Variants in PLXNA4 observed in about 807,000 individuals in gnomAD.
The protein encoded by PLXNA4 is plexin-A4.
A neutral mutation model predicts 191.8 loss-of-function variants in PLXNA4; 44 were observed. The ratio of observed to expected loss-of-function variants is 0.23; its 90% CI spans 0.18 to 0.29. The LOEUF (loss-of-function observed/expected upper bound fraction) is 0.29, where lower values mean the gene tolerates loss of function less well. Ranked by LOEUF, PLXNA4 falls within the 10% of genes least tolerant of loss-of-function variation. The probability of loss-of-function intolerance (pLI) is 1.00; values close to 1 mark genes in which losing one functional copy is unlikely to be tolerated. For synonymous variants in PLXNA4, 1,082 were observed against 1,009.5 expected (o/e 1.07, Z -1.36); for missense variants, 1,800 against 2,488.8 (o/e 0.72, Z 5.89).
intron 1 of PLXNA4, among the ~76,000 whole-genome samples, chr7:132,554,114 A>C (rs1003203633): frequency 2.0e-5 from 3 of 152,220 alleles, no homozygotes; most frequent in Non-Finnish European, 4.4e-5. Context: ...ATATAGATAC[A>C]TGACTATTTT....
intron 2 of PLXNA4, among the ~76,000 whole-genome samples, chr7:132,615,914 T>C (rs1166347295): frequency 4.1e-5 from 6 of 146,558 alleles, no homozygotes; most frequent in Non-Finnish European, 9.0e-5. Context: ...ACACACTTTT[T>C]GACAGATAAA....
intron 3 of PLXNA4, among the ~76,000 whole-genome samples, chr7:132,330,937 C>A (rs978550490): frequency 1.3e-5 from 2 of 152,182 alleles, no homozygotes; most frequent in Admixed American, 1.3e-4. Context: ...AGCAAAGTTA[C>A]TCCTTTTACT....
chr7:132,195,720 G>T (rs750192700), intron 13 of PLXNA4, among the ~76,000 whole-genome samples: 3 of 152,172 alleles, frequency 2.0e-5, no homozygotes, highest in Non-Finnish European at 4.4e-5. Context: ...ATCTCATATA[G>T]CCTTTCCTTT....
intron 2 of PLXNA4, among the ~76,000 whole-genome samples, chr7:132,626,839 T>C (rs1249461534): frequency 6.6e-6 from 1 of 152,168 alleles, no homozygotes; most frequent in Non-Finnish European, 1.5e-5. Context: ...ACCCAGGATA[T>C]AGCTCTGGAG....
chr7:132,299,625 T>C (rs1801231932), intron 3 of PLXNA4, among the ~76,000 whole-genome samples: 1 of 152,246 alleles, frequency 6.6e-6, no homozygotes, highest in African/African-American at 2.4e-5. Flanking sequence ...TCCTTATTGA[T>C]ATAATCCTCT....
intron 24 of PLXNA4, among the ~76,000 whole-genome samples, chr7:132,160,883 A>G (rs1191169506): frequency 1.3e-5 from 2 of 152,112 alleles, no homozygotes; most frequent in Non-Finnish European, 2.9e-5. Flanking sequence ...CTAGACTGCT[A>G]TGAGCTCAAA....
chr7:132,130,640 A>T, intron 31 of PLXNA4, 66 bp from the exon 32 acceptor site: 4 of 1,609,386 alleles, frequency 2.5e-6, no homozygotes, highest in Non-Finnish European at 3.4e-6. Context: ...CTCAGGAGGC[A>T]CAAAGATGGT....
intron 2 of PLXNA4, 98 bp from the exon 3 acceptor site, chr7:132,489,572 ATGAAACATC>A: frequency 9.4e-7 from 1 of 1,061,778 alleles, no homozygotes; most frequent in East Asian, 2.6e-5. Context: ...ATCCTTAGAG[ATGAAACATC>A]TGGTAACAAT....
At chr7:132,506,814 G>A (rs970254355) in intron 2 of PLXNA4, among the ~76,000 whole-genome samples, 4 of 152,114 alleles carry the variant, frequency 2.6e-5, no homozygotes, top group African/African-American at 7.2e-5. Flanking sequence ...GCTGCTCTCC[G>A]GCTGCTTCCT....
In PLXNA4 at chr7:132,174,819, A is replaced by C. The variant is rs768195166; in HGVS notation, c.3976T>G (p.Phe1326Val). ...ACAGGGTGGTCTTCAATTCCTGGGA[A>C]CAGCACCCGCATGGTGTAAGTTCTA... The part of the protein sequence containing the change: ...DYRTYTMRVL[F>V]PGIEDHPVLR... Residue 1326 changes from phenylalanine to valine, a missense_variant, in exon 21 of 32, where the codon TTC (phenylalanine) becomes GTC (valine). Around this residue, in one of 6 missense-constraint regions of PLXNA4, gnomAD observed 1,397 missense variants for 1,880.4 expected, o/e 0.74. Coordinates refer to ENST00000321063, the MANE Select transcript of PLXNA4 (RefSeq NM_020911.2). The C allele has an allele frequency of 6.2e-7, 1 of 1,614,002 alleles. No individual in the cohort carries two copies. The highest frequency in any genetic ancestry group is 8.5e-7 in the Non-Finnish European group (1 of 1,179,962).
At chr7:132,179,420 A>G (rs1232666171) in intron 20 of PLXNA4, among the ~76,000 whole-genome samples, 2 of 149,762 alleles carry the variant, frequency 1.3e-5, no homozygotes, top group Non-Finnish European at 3.0e-5. Context: ...ACGCACACAG[A>G]CACATATACA....
intron 3 of PLXNA4, among the ~76,000 whole-genome samples, chr7:132,479,040 G>A (rs1243962994): frequency 6.6e-6 from 1 of 152,056 alleles, no homozygotes; most frequent in Non-Finnish European, 1.5e-5. Context: ...GGCCGAGGTG[G>A]GAGGATTGCT....
intron 5 of PLXNA4, among the ~76,000 whole-genome samples, chr7:132,230,854 G>A (rs1170385808): frequency 6.6e-6 from 1 of 152,202 alleles, no homozygotes; most frequent in African/African-American, 2.4e-5. Context: ...AGAGCGAAAA[G>A]CAGAGCTGTT....
At chr7:132,306,802 C>G (rs2116555860) in intron 3 of PLXNA4, among the ~76,000 whole-genome samples, 1 of 152,196 alleles carries the variant, frequency 6.6e-6, no homozygotes, top group South Asian at 2.1e-4. Flanking sequence ...AAGATGGGGC[C>G]ACATCTCAGC....
intron 3 of PLXNA4, among the ~76,000 whole-genome samples, chr7:132,340,271 T>C (rs533413941): frequency 3.3e-5 from 5 of 152,326 alleles, no homozygotes; most frequent in African/African-American, 1.2e-4. Context: ...GTATTGCTTA[T>C]TAAAGTTTAA....
chr7:132,345,688 C>A (rs1563048541), intron 3 of PLXNA4, among the ~76,000 whole-genome samples: 1 of 152,198 alleles, frequency 6.6e-6, no homozygotes, highest in East Asian at 1.9e-4. Context: ...ATGCTCCTGG[C>A]AGGGCCCCAG....
upstream of PLXNA4, among the ~76,000 whole-genome samples, chr7:132,581,548 C>A (rs930851890): frequency 5.6e-4 from 85 of 152,326 alleles, no homozygotes; most frequent in African/African-American, 1.9e-3. Context: ...CTTGGAAATC[C>A]ACTGCCCATG....
At chr7:132,475,634 A>T (rs772941214) in intron 3 of PLXNA4, among the ~76,000 whole-genome samples, 9 of 152,134 alleles carry the variant, frequency 5.9e-5, no homozygotes, top group Admixed American at 3.9e-4. Flanking sequence ...ATCAGATTCA[A>T]GGCAGAGAGA....
rs10266431 is a variant in PLXNA4, at chr7:132,639,928, C to T, written c.-87+6000G>A. On this transcript the variant is annotated intron_variant, in intron 2 of 4. Transcript: ENST00000378539. ...CCCCAGCCCTTTCTCTAACTGGCTTCGGGTAAGAACACTGTCCAGGTTCCT... is the reference window on the plus strand; with the variant it reads ...CCCCAGCCCTTTCTCTAACTGGCTTTGGGTAAGAACACTGTCCAGGTTCCT... 3.8e-3 allele frequency among the ~76,000 whole-genome samples: 572 copies of T among 152,280 alleles called. 5 individuals are homozygous for T. Among genetic ancestry groups the T allele is most frequent in the African/African-American group, 0.012 (491 of 41,556 alleles).
Sources: gnomAD v4.1 joint callset for allele counts (sites outside exome capture counted in the v4.1 genomes callset) on GRCh38, gnomAD v4.1.1 for gene constraint, gnomAD v4.1.1 regional missense constraint, MANE v1.5 for transcripts, NCBI Gene and HGNC (gene_info 2026-07-23, HGNC 2026-07-21) for gene names.